The following TMEM80 variants were observed in gnomAD, a reference collection of about 807,000 sequenced individuals.
TMEM80 encodes the protein transmembrane protein 80.
TMEM80 carries 16 observed loss-of-function variants against 13.6 expected under a neutral mutation model. The observed-to-expected ratio is 1.17, with a 90% CI of 0.79 to 1.78. TMEM80 has a LOEUF of 1.78. Among genes scored for constraint, TMEM80 ranks in the 40% most tolerant of loss-of-function variants. The pLI is 0.00. For missense variants in TMEM80, 167 were observed against 184.6 expected (o/e 0.90, Z 0.55); for synonymous variants, 92 against 89.5 (o/e 1.03, Z -0.16).
intron 1 of TMEM80, 78 bp downstream of exon 1, chr11:695,924 C>T (rs1198085168): frequency 1.8e-6 from 2 of 1,107,672 alleles, no homozygotes; most frequent in Non-Finnish European, 2.3e-6. Flanking sequence ...ATCCGGTTTC[C>T]GCTTTCGGTG....
intron 2 of TMEM80, 72 bp from the exon 3 acceptor site, chr11:700,070 C>A: frequency 7.9e-7 from 1 of 1,260,722 alleles, no homozygotes; most frequent in Non-Finnish European, 1.2e-6. Flanking sequence ...ACAGAACCAG[C>A]CCCTCTTGTT....
chr11:701,452 C>T (rs1861471007), intron 4 of TMEM80, among the ~76,000 whole-genome samples: 1 of 148,332 alleles, frequency 6.7e-6, no homozygotes, highest in Non-Finnish European at 1.5e-5. Flanking sequence ...GCTCTGTCGC[C>T]CAGGCTGGAG....
chr11:696,580 C>T (rs1231782007), intron 1 of TMEM80, among the ~76,000 whole-genome samples: 1 of 152,024 alleles, frequency 6.6e-6, no homozygotes, highest in Non-Finnish European at 1.5e-5. Flanking sequence ...GCCTGGGCAA[C>T]ATAGCAAGAC....
chr11:701,286 C>T (rs1861453500), intron 4 of TMEM80, among the ~76,000 whole-genome samples: 1 of 151,726 alleles, frequency 6.6e-6, no homozygotes, highest in African/African-American at 2.4e-5. Context: ...CTTGAGCGAT[C>T]CTCCTGCCTC....
At chr11:695,649 A>C (rs986625687), upstream of TMEM80, 2 of 1,244,852 alleles carry the variant, frequency 1.6e-6, no homozygotes. Context: ...CCCTTCCGAA[A>C]GTGCCCGAGC....
intron 2 of TMEM80, chr11:699,515 G>A (rs1363218680): frequency 1.3e-5 from 2 of 154,740 alleles, no homozygotes; most frequent in Non-Finnish European, 2.9e-5. Context: ...GGGAGGCTGA[G>A]GTGGACAGAT....
At chr11:704,225 G>C (rs951788988), downstream of TMEM80, 12 of 926,182 alleles carry the variant, frequency 1.3e-5, no homozygotes, top group Middle Eastern at 1.4e-3. Context: ...TTCCTGGCTG[G>C]CCTCGCCCTC....
At chr11:698,495 G>T (rs1208934025) in intron 1 of TMEM80, among the ~76,000 whole-genome samples, 1 of 152,224 alleles carries the variant, frequency 6.6e-6, no homozygotes, top group Non-Finnish European at 1.5e-5. Context: ...AGTCATATAT[G>T]TGTGGCAAAT....
downstream of TMEM80, chr11:704,530 G>A (rs1477875129): frequency 7.8e-7 from 1 of 1,289,436 alleles, no homozygotes. Flanking sequence ...ACCAGCGCCT[G>A]CACTCGCAGA....
intron 2 of TMEM80, chr11:699,922 T>C: frequency 1.8e-6 from 1 of 546,404 alleles, no homozygotes; most frequent in South Asian, 2.1e-5. Flanking sequence ...TGTTGTGGCA[T>C]GGAGGGGGGT....
chr11:699,038 T>C (rs979981640), intron 2 of TMEM80, 150 bp downstream of exon 2: 2 of 895,392 alleles, frequency 2.2e-6, no homozygotes, highest in Admixed American at 3.8e-5. Flanking sequence ...ATTTAGAGAG[T>C]TGATGTAACT....
rs760283964 is a variant in TMEM80 at position 703,000 on chromosome 11, C to T, written c.282C>T (p.Leu94=). The change falls in exon 5 of 5, where the codon CTC becomes CTT. Residue 94 remains leucine, a synonymous_variant. Coordinates refer to ENST00000397510, the MANE Select transcript of TMEM80 (RefSeq NM_001042463.3). ...GGCCGCTGGCCGCCAGCCTGGCCCT[C>T]ACGGCTGGCACCGCCCTCCTCTCTG... ...AERPLAASLA[L]TAGTALLSAH... 6.2e-7 allele frequency: 1 copy of T among 1,612,038 alleles called. No individual in the cohort carries two copies. Among genetic ancestry groups the T allele is most frequent in the Non-Finnish European group, 8.5e-7 (1 of 1,179,726 alleles).
chr11:701,186 CCTA>C, intron 4 of TMEM80: 1 of 181,772 alleles, frequency 5.5e-6, no homozygotes, highest in African/African-American at 2.4e-5. Context: ...CTTCCAGTGA[CCTA>C]CTTTTTTTGA....
Position 703,563 on chromosome 11 carries a change from C to A in TMEM80, c.*413C>A. Reference sequence around the variant, plus strand: ...CATCACCCCCTAGTTCCCCAATGGTCCTAATTTGTGTTCTGAGATCCCAGT... The same window carrying A: ...CATCACCCCCTAGTTCCCCAATGGTACTAATTTGTGTTCTGAGATCCCAGT... On this transcript the variant is annotated 3_prime_UTR_variant, in exon 5 of 5. Transcript: ENST00000397510. The A allele has an allele frequency of 8.1e-7, 1 of 1,233,724 alleles. No individual in the cohort carries two copies. Among genetic ancestry groups the A allele is most frequent in the South Asian group, 4.1e-5 (1 of 24,566 alleles). The allele number at this position is 1,233,724 out of a possible 1,614,324, so 76.4% of individuals were successfully genotyped here.
rs1020186930 is a variant in TMEM80, at chr11:703,347, G to A, written c.*197G>A. The A allele has an allele frequency of 3.1e-5, 44 of 1,397,548 alleles. No individual in the cohort carries two copies. The highest frequency in any genetic ancestry group is 4.0e-5 in the Non-Finnish European group (43 of 1,078,468). 86.6% of individuals were successfully genotyped at this position (1,397,548 alleles called of 1,614,324 possible). A position where few individuals can be genotyped will look rare whatever the true frequency, so the allele number is the denominator to read the frequency against. On this transcript the variant is annotated 3_prime_UTR_variant, in exon 5 of 5. Coordinates refer to ENST00000397510, the MANE Select transcript of TMEM80 (RefSeq NM_001042463.3). The stretch of plus-strand genomic sequence containing the variant: ...AGAACAAACTGCTGGAGGCCCTGGT[G>A]TTGGGAACAGCTGCGGGGAGGGTAG...
chr11:703,993 T>C lies in TMEM80; in HGVS notation c.*843T>C. On this transcript the variant is annotated 3_prime_UTR_variant, in exon 5 of 5. Coordinates refer to ENST00000397510, the MANE Select transcript of TMEM80 (RefSeq NM_001042463.3). ...TACTATCAGTTCTCCTTAAAAAGTA[T>C]CTAAGCTGTTACAGTAGCTTTCCCT... The C allele has an allele frequency of 8.2e-7, 1 of 1,224,826 alleles. No homozygotes were observed. The highest frequency in any genetic ancestry group is 1.0e-6 in the Non-Finnish European group (1 of 982,732). The allele number at this position is 1,224,826 out of a possible 1,614,324, so 75.9% of individuals were successfully genotyped here. A position where few individuals can be genotyped will look rare whatever the true frequency, so the allele number is the denominator to read the frequency against.
At chr11:695,959 T>C (rs1861127421) in intron 1 of TMEM80, 113 bp downstream of exon 1, 1 of 844,608 alleles carries the variant, frequency 1.2e-6, no homozygotes, top group Non-Finnish European at 1.6e-6. Flanking sequence ...TGCCACCGTC[T>C]CTACGTGAGC....
chr11:698,663 A>C (rs1861307552), intron 1 of TMEM80, among the ~76,000 whole-genome samples: 1 of 152,028 alleles, frequency 6.6e-6, no homozygotes, highest in African/African-American at 2.4e-5. Context: ...AGGTTCTGAA[A>C]GGCAGAGACT....
chr11:695,820 C>T lies in TMEM80; in HGVS notation c.-8C>T, dbSNP rs973701600. The T allele has an allele frequency of 2.4e-6, 3 of 1,231,362 alleles. No individual in the cohort carries two copies. The highest frequency in any genetic ancestry group is 8.5e-5 in the Admixed American group (2 of 23,666). 76.3% of individuals were successfully genotyped at this position (1,231,362 alleles called of 1,614,324 possible). A position where few individuals can be genotyped will look rare whatever the true frequency, so the allele number is the denominator to read the frequency against. On this transcript the variant is annotated 5_prime_UTR_variant, in exon 1 of 5. Coordinates refer to ENST00000397510, the MANE Select transcript of TMEM80 (RefSeq NM_001042463.3). ...GATCGCGACGGACCGGCGGGCGGGGCGGGTAAGATGGCGGCCCCGCGGCGA... is the reference window on the plus strand; with the variant it reads ...GATCGCGACGGACCGGCGGGCGGGGTGGGTAAGATGGCGGCCCCGCGGCGA...
Sources: allele counts gnomAD v4.1 joint callset (sites outside exome capture counted in the v4.1 genomes callset), GRCh38; gene constraint gnomAD v4.1.1; transcripts MANE v1.5; gene names NCBI Gene and HGNC (gene_info 2026-07-23, HGNC 2026-07-21).